The following DPP10 variants were observed in gnomAD, a reference collection of about 807,000 sequenced individuals.
The protein encoded by DPP10 is dipeptidyl peptidase like 10, also known as inactive dipeptidyl peptidase 10.
DPP10 carries 33 observed loss-of-function variants against 120.9 expected under a neutral mutation model. That is an observed-to-expected ratio of 0.27 (90% CI 0.21 to 0.37). DPP10 has a LOEUF of 0.37. DPP10 is among the 10% of genes least tolerant of loss of function. The pLI is 1.00. For missense variants in DPP10, 816 were observed against 942.8 expected (o/e 0.87, Z 1.76); for synonymous variants, 337 against 326.1 (o/e 1.03, Z -0.36).
At chr2:115,203,708 C>T in intron 1 of DPP10, among the ~76,000 whole-genome samples, 1 of 152,128 alleles carries the variant, frequency 6.6e-6, no homozygotes, top group African/African-American at 2.4e-5. Context: ...GCTTTGACCT[C>T]TCATGATCTT....
intron 25 of DPP10, among the ~76,000 whole-genome samples, chr2:115,841,744 C>G (rs769284069): frequency 2.6e-5 from 4 of 152,008 alleles, no homozygotes; most frequent in Non-Finnish European, 5.9e-5. Context: ...AGGGAATTGT[C>G]AAAGTAAATA....
chr2:115,172,345 C>T (rs2053412530), intron 1 of DPP10, among the ~76,000 whole-genome samples: 1 of 150,486 alleles, frequency 6.6e-6, no homozygotes, highest in Non-Finnish European at 1.5e-5. Flanking sequence ...GATCGCGCCA[C>T]TGCACTCTAG....
chr2:115,807,822 T>C (rs926027915), intron 19 of DPP10, among the ~76,000 whole-genome samples: 5 of 151,384 alleles, frequency 3.3e-5, no homozygotes, highest in African/African-American at 9.8e-5. Context: ...ATCAAATATA[T>C]GTTTGGGTTT....
intron 1 of DPP10, among the ~76,000 whole-genome samples, chr2:115,252,147 T>C (rs1488890296): frequency 6.6e-6 from 1 of 152,222 alleles, no homozygotes; most frequent in Non-Finnish European, 1.5e-5. Flanking sequence ...TTCTCTCTTA[T>C]TCAGGAATGC....
intron 3 of DPP10, among the ~76,000 whole-genome samples, chr2:115,465,555 G>T (rs13395934): frequency 6.6e-6 from 1 of 152,180 alleles, no homozygotes; most frequent in African/African-American, 2.4e-5. Flanking sequence ...AGGCATGGTG[G>T]CTCACGCCTG....
intron 1 of DPP10, among the ~76,000 whole-genome samples, chr2:114,654,043 A>C (rs1000746538): frequency 6.6e-6 from 1 of 152,192 alleles, no homozygotes; most frequent in Non-Finnish European, 1.5e-5. Flanking sequence ...ATTAGTGTTC[A>C]ATCTTACTAT....
chr2:114,957,195 A>C (rs1283392381), intron 1 of DPP10, among the ~76,000 whole-genome samples: 1 of 152,054 alleles, frequency 6.6e-6, no homozygotes, highest in Non-Finnish European at 1.5e-5. Flanking sequence ...AGGGGCTAAT[A>C]TCCTAAATAT....
At chr2:114,541,240 G>T (rs1331041807) in intron 1 of DPP10, among the ~76,000 whole-genome samples, 1 of 152,114 alleles carries the variant, frequency 6.6e-6, no homozygotes, top group Non-Finnish European at 1.5e-5. Context: ...ATACTCCCCT[G>T]ACATACTCGG....
rs2087756868 is a variant in DPP10, at chr2:115,651,395, G to GT, written c.442-38290dup. 2.6e-5 allele frequency among the ~76,000 whole-genome samples: 4 copies of GT among 151,984 alleles called. No individual in the cohort carries two copies. In the South Asian group the frequency reaches 8.3e-4, roughly 31 times the overall value. The stretch of plus-strand genomic sequence containing the variant: ...AATGACTTGAACCTTTTATCCTTGT[G>GT]TTATCCTCCTTTCCCGGCGCTGAAT... On this transcript the variant is annotated intron_variant, in intron 5 of 25. Transcript: ENST00000410059.
At chr2:115,400,860 G>C (rs997393843) in intron 3 of DPP10, among the ~76,000 whole-genome samples, 25 of 152,310 alleles carry the variant, frequency 1.6e-4, no homozygotes, top group African/African-American at 5.3e-4. Flanking sequence ...ATTTGTAACA[G>C]CGGGCATTGA....
chr2:115,380,305 A>C (rs2066208200), intron 3 of DPP10, among the ~76,000 whole-genome samples: 1 of 152,146 alleles, frequency 6.6e-6, no homozygotes, highest in East Asian at 1.9e-4. Flanking sequence ...ACCATTATTT[A>C]ATGGCCTTCT....
chr2:114,865,727 G>C (rs895905541), intron 1 of DPP10, among the ~76,000 whole-genome samples: 1 of 152,110 alleles, frequency 6.6e-6, no homozygotes, highest in Non-Finnish European at 1.5e-5. Flanking sequence ...CATTATCCTG[G>C]AAGTCTTTTA....
chr2:115,076,609 T>G (rs1410254941), intron 1 of DPP10, among the ~76,000 whole-genome samples: 1 of 152,232 alleles, frequency 6.6e-6, no homozygotes, highest in Non-Finnish European at 1.5e-5. Flanking sequence ...TTACACTACA[T>G]GTAACATTGA....
At position 115,058,984 on chromosome 2, in the gene DPP10, G is replaced by T. The variant is rs527824069; in HGVS notation, c.61-250255G>T. 6.6e-5 allele frequency among the ~76,000 whole-genome samples: 10 copies of T among 152,188 alleles called. No individual in the cohort carries two copies. The South Asian group carries it at 2.1e-3, about 32-fold the overall frequency. On this transcript the variant is annotated intron_variant, in intron 1 of 25. Transcript: ENST00000410059. ...AACGCAGATCTCTTAGTGACCCCAGGTGAATCTCAATCCTTCCCCCTGAAT... is the reference window on the plus strand; with the variant it reads ...AACGCAGATCTCTTAGTGACCCCAGTTGAATCTCAATCCTTCCCCCTGAAT...
At chr2:115,757,440 G>A (rs894304204) in intron 11 of DPP10, among the ~76,000 whole-genome samples, 1 of 152,070 alleles carries the variant, frequency 6.6e-6, no homozygotes. Context: ...TTATGTGGGT[G>A]GCAGGAGGCA....
Position 115,048,531 on chromosome 2 carries a change from GT to G in DPP10, c.61-260702del, listed in dbSNP as rs1705231447. ...AATTTCCTGCTTAAAATCACCAGTT[GT>G]TTTTTATTTGGCTCATGATAAAGTC... On this transcript the variant is annotated intron_variant, in intron 1 of 25. Coordinates refer to ENST00000410059, the MANE Select transcript of DPP10 (RefSeq NM_020868.6). 4.6e-5 allele frequency among the ~76,000 whole-genome samples: 7 copies of G among 152,128 alleles called. No homozygotes were observed. The South Asian group carries it at 1.5e-3, about 32-fold the overall frequency.
chr2:115,441,817 CTTTTT>C (rs561102084), intron 3 of DPP10, among the ~76,000 whole-genome samples: 2 of 124,476 alleles, frequency 1.6e-5, no homozygotes, highest in Admixed American at 1.6e-4. Flanking sequence ...TTCTTTCTTT[CTTTTT>C]TTTTTTTTTT....
At chr2:115,682,077 C>A (rs974651913) in intron 5 of DPP10, among the ~76,000 whole-genome samples, 4 of 151,808 alleles carry the variant, frequency 2.6e-5, no homozygotes, top group African/African-American at 9.7e-5. Context: ...GCTCTCTGTC[C>A]TATTGCAATA....
chr2:115,006,750 C>T (rs1221618715), intron 1 of DPP10, among the ~76,000 whole-genome samples: 4 of 152,064 alleles, frequency 2.6e-5, no homozygotes, highest in African/African-American at 4.8e-5. Flanking sequence ...GAGACTTAGA[C>T]TCCCACACAT....
Sources: allele counts gnomAD v4.1 joint callset (sites outside exome capture counted in the v4.1 genomes callset), GRCh38; gene constraint gnomAD v4.1.1; transcripts MANE v1.5; gene names NCBI Gene and HGNC (gene_info 2026-07-23, HGNC 2026-07-21).